The following NBPF9 variants were observed in gnomAD, a reference collection of about 807,000 sequenced individuals.
The protein encoded by NBPF9 is NBPF member 9.
In NBPF9, 91 loss-of-function variants were observed where a neutral mutation model predicts 97.8. The ratio of observed to expected loss-of-function variants is 0.93; its 90% confidence interval spans 0.79 to 1.11. The LOEUF is 1.11. NBPF9 is among the 50% of genes least tolerant of loss of function. The probability of loss-of-function intolerance (pLI) is 0.00; values close to 1 mark genes in which losing one functional copy is unlikely to be tolerated. For synonymous variants in NBPF9, 334 were observed against 359.5 expected (o/e 0.93, Z 0.80); for missense variants, 992 against 939.5 (o/e 1.06, Z -0.73).
intron 5 of NBPF9, among the ~76,000 whole-genome samples, chr1:149,082,952 CTTTTCTTTTTTTTTT>C (rs1238540546): frequency 1.6e-5 from 1 of 60,986 alleles, no homozygotes; most frequent in Non-Finnish European, 3.2e-5. Context: ...GCTAATTTTT[CTTTTCTTTTTTTTTT>C]TTTTTTTTTT....
intron 5 of NBPF9, among the ~76,000 whole-genome samples, chr1:149,089,556 T>G (rs2081277722): frequency 6.6e-6 from 1 of 152,264 alleles, no homozygotes; most frequent in South Asian, 2.1e-4. Context: ...TAAGACAGGA[T>G]GGAAATGAGT....
At chr1:149,080,451 C>A (rs587628324) in intron 7 of NBPF9, among the ~76,000 whole-genome samples, 1 of 150,844 alleles carries the variant, frequency 6.6e-6, no homozygotes, top group Non-Finnish European at 1.5e-5. Flanking sequence ...ACTCTGAATG[C>A]GGGGCCACTT....
intron 19 of NBPF9, 115 bp downstream of exon 19, chr1:149,064,316 A>T (rs2078875313): frequency 2.5e-6 from 2 of 790,516 alleles, no homozygotes; most frequent in African/African-American, 5.1e-5. Context: ...AGTAGGCATA[A>T]TTCATACTTG....
At chr1:149,076,096 G>A (rs1482504847) in intron 11 of NBPF9, among the ~76,000 whole-genome samples, 3 of 152,060 alleles carry the variant, frequency 2.0e-5, no homozygotes, top group South Asian at 2.1e-4. Flanking sequence ...TTGCTTATAC[G>A]TTTCTATAAA....
At position 149,068,190 on chromosome 1, in the gene NBPF9, C is replaced by A. The variant is rs1445891054; in HGVS notation, c.1637+1404G>T. ...CAAAAACATGCCAAACTCTAAAGAC[C>A]ATTGACGCTAGGAAGAAACTGCATC... On this transcript the variant is annotated intron_variant, in intron 17 of 29. Transcript: ENST00000584027. Among the ~76,000 whole-genome samples the A allele has an allele frequency of 2.0e-5, 3 of 149,052 alleles. No homozygotes were observed. The East Asian group carries it at 7.1e-4, about 35-fold the overall frequency.
chr1:149,102,729 C>T (rs1553245111), exon 2 of NBPF9: 4 of 151,574 alleles, frequency 2.6e-5, no homozygotes, highest in South Asian at 2.1e-4. Flanking sequence ...TCCAACCTAC[C>T]GGAAATCCTG....
intron 3 of NBPF9, among the ~76,000 whole-genome samples, chr1:149,099,289 G>A (rs1349990587): frequency 6.6e-6 from 1 of 152,180 alleles, no homozygotes; most frequent in Non-Finnish European, 1.5e-5. Flanking sequence ...AGTAACAAAA[G>A]CCCCAAAATC....
chr1:149,086,021 T>C (rs199968200), intron 5 of NBPF9, among the ~76,000 whole-genome samples: 7,873 of 150,720 alleles, frequency 0.052, 134 homozygotes, highest in East Asian at 0.37. Context: ...CTTTTGTGTC[T>C]GCCTTCTTTC....
At position 149,081,632 on chromosome 1, in the gene NBPF9, A is replaced by G. The variant is rs1201494014; in HGVS notation, c.175+333T>C. Among the ~76,000 whole-genome samples, 6 of 150,872 alleles carry G rather than the reference A, an allele frequency of 4.0e-5. No homozygotes were observed. In the South Asian group the frequency reaches 1.1e-3, roughly 27 times the overall value. ...CATTTAGAACAACAGACTAGATGTT[A>G]TTTGTCTGCAGGATCTTATAAGGTA... On this transcript the variant is annotated intron_variant, in intron 7 of 29. Transcript: ENST00000584027.
chr1:149,100,419 A>C (rs1190147588), intron 3 of NBPF9, among the ~76,000 whole-genome samples: 1 of 119,214 alleles, frequency 8.4e-6, no homozygotes, highest in Non-Finnish European at 1.7e-5. Flanking sequence ...TTATTTTTTA[A>C]ATTTTACTCA....
intron 5 of NBPF9, among the ~76,000 whole-genome samples, chr1:149,082,698 T>A (rs1233265145): frequency 6.9e-6 from 1 of 145,298 alleles, no homozygotes; most frequent in Non-Finnish European, 1.5e-5. Context: ...AGAAACAGTT[T>A]CCCAACAGGT....
Position 149,059,639 on chromosome 1 carries a change from C to A in NBPF9, c.2585+61G>T. Reference sequence around the variant, plus strand: ...TGACATCAAACACACTCTGGTTTCCCTGAATCTGTTGCCTCCAGGTGTTAA... The same window carrying A: ...TGACATCAAACACACTCTGGTTTCCATGAATCTGTTGCCTCCAGGTGTTAA... On this transcript the variant is annotated intron_variant, in intron 25 of 29. Coordinates refer to ENST00000584027, the Ensembl canonical transcript of NBPF9. 2 of 549,524 alleles carry A rather than the reference C, an allele frequency of 3.6e-6. 1 individual carries two copies. The allele number at this position is 549,524 out of a possible 1,614,324, so 34.0% of individuals were successfully genotyped here. A position where few individuals can be genotyped will look rare whatever the true frequency, so the allele number is the denominator to read the frequency against.
intron 17 of NBPF9, among the ~76,000 whole-genome samples, chr1:149,069,197 A>G (rs1553652412): frequency 6.6e-6 from 1 of 150,624 alleles, no homozygotes; most frequent in Admixed American, 6.6e-5. Flanking sequence ...ACACCCTAAC[A>G]TCACAATTAA....
intron 4 of NBPF9, among the ~76,000 whole-genome samples, chr1:149,095,461 G>T (rs1201928359): frequency 6.8e-6 from 1 of 147,024 alleles, no homozygotes; most frequent in African/African-American, 2.5e-5. Context: ...AAAAAATTAA[G>T]TTGAGCCTCA....
chr1:149,082,018 C>T lies in NBPF9; in HGVS notation c.122G>A (p.Arg41Lys), dbSNP rs79161030. Residue 41 changes from arginine (R) to lysine (K), a missense_variant, in exon 7 of 30, where the codon AGA becomes AAA. Transcript: ENST00000584027. ...GCCGGCCAGTTGAGTTAGAAAACATCTCTCTTTGAGGTTTCCGAACTGCTG... is the reference window on the plus strand; with the variant it reads ...GCCGGCCAGTTGAGTTAGAAAACATTTCTCTTTGAGGTTTCCGAACTGCTG... The T allele has an allele frequency of 1.7e-5, 28 of 1,608,882 alleles. No individual in the cohort carries two copies. The East Asian group carries it at 3.1e-4, about 18-fold the overall frequency.
exon 11 of NBPF9, chr1:149,077,411 T>C (rs2079980754): frequency 6.2e-7 from 1 of 1,609,692 alleles, no homozygotes; most frequent in African/African-American, 1.3e-5. Flanking sequence ...TTCAGCCTTC[T>C]GCACCTCCCT....
At chr1:149,057,704 GAC>G (rs879952249) in intron 27 of NBPF9, among the ~76,000 whole-genome samples, 197 bp from the exon 28 acceptor site, 6,251 of 27,414 alleles carry the variant, frequency 0.23, 543 homozygotes, top group Non-Finnish European at 0.33. Context: ...AAGACAGATA[GAC>G]ACACACACAC....
chr1:149,064,785 A>G (rs2078922477), intron 18 of NBPF9: 4 of 593,842 alleles, frequency 6.7e-6, no homozygotes, highest in Middle Eastern at 4.5e-4. Flanking sequence ...AATAGTTCTA[A>G]CACCTCATAG....
At chr1:149,099,476 T>C (rs1298295278) in intron 3 of NBPF9, among the ~76,000 whole-genome samples, 5 of 152,204 alleles carry the variant, frequency 3.3e-5, no homozygotes, top group African/African-American at 7.2e-5. Flanking sequence ...TTAACAAATA[T>C]TTATTCAATA....
Sources: allele counts gnomAD v4.1 joint callset (sites outside exome capture counted in the v4.1 genomes callset), GRCh38; gene constraint gnomAD v4.1.1; transcripts MANE v1.5; gene names NCBI Gene and HGNC (gene_info 2026-07-23, HGNC 2026-07-21).